Variants in EYS observed in about 807,000 individuals in gnomAD.
The protein encoded by EYS is protein eyes shut homolog.
EYS carries 250 observed loss-of-function variants against 282.1 expected under a neutral mutation model. The ratio of observed to expected loss-of-function variants is 0.89; its 90% CI spans 0.80 to 0.98. The LOEUF (loss-of-function observed/expected upper bound fraction) is 0.98, where lower values mean the gene tolerates loss of function less well. Among genes scored for constraint, EYS ranks in the 50% least tolerant of loss-of-function variants. The pLI is 0.00. For missense variants in EYS, 4,016 were observed against 3,709.0 expected (o/e 1.08, Z -2.15); for synonymous variants, 1,355 against 1,282.9 (o/e 1.06, Z -1.20).
At chr6:64,981,956 T>G (rs1158153214) in intron 14 of EYS, among the ~76,000 whole-genome samples, 1 of 151,346 alleles carries the variant, frequency 6.6e-6, no homozygotes, top group Non-Finnish European at 1.5e-5. Context: ...AGTACCTCAC[T>G]GTAGGAAGGG....
At chr6:65,515,074 G>A (rs747057430) in intron 2 of EYS, among the ~76,000 whole-genome samples, 15 of 152,028 alleles carry the variant, frequency 9.9e-5, no homozygotes, top group Non-Finnish European at 1.6e-4. Flanking sequence ...AATCTACAAC[G>A]AACTCAAACA....
At chr6:63,865,119 T>G (rs1313706023) in intron 35 of EYS, among the ~76,000 whole-genome samples, 1 of 152,176 alleles carries the variant, frequency 6.6e-6, no homozygotes, top group Non-Finnish European at 1.5e-5. Flanking sequence ...GTGCCAATCA[T>G]AGTGTATAGT....
intron 2 of EYS, among the ~76,000 whole-genome samples, chr6:65,605,415 G>A (rs1318214978): frequency 1.3e-5 from 2 of 151,844 alleles, no homozygotes; most frequent in Admixed American, 1.3e-4. Flanking sequence ...AGGTTTTTGA[G>A]TGTGAGGGTG....
chr6:63,823,579 C>A (rs1168339000), intron 36 of EYS, among the ~76,000 whole-genome samples: 1 of 152,044 alleles, frequency 6.6e-6, no homozygotes, highest in African/African-American at 2.4e-5. Flanking sequence ...ATGCCACATT[C>A]TCATTTCTAA....
intron 5 of EYS, among the ~76,000 whole-genome samples, chr6:65,411,408 A>G (rs1767006671): frequency 6.6e-6 from 1 of 152,132 alleles, no homozygotes; most frequent in Admixed American, 6.6e-5. Flanking sequence ...AGATTCATAG[A>G]AAATTACAAA....
intron 19 of EYS, among the ~76,000 whole-genome samples, chr6:64,880,946 T>C (rs1451321789): frequency 1.3e-5 from 2 of 151,352 alleles, no homozygotes; most frequent in Non-Finnish European, 3.0e-5. Context: ...GAATAAATTT[T>C]TTTTTTGATC....
At chr6:63,861,638 ACAT>A (rs1223234697) in intron 36 of EYS, among the ~76,000 whole-genome samples, 6 of 152,274 alleles carry the variant, frequency 3.9e-5, no homozygotes, top group African/African-American at 1.2e-4. Flanking sequence ...CCCTAGAATC[ACAT>A]GTTAAAACCT....
intron 2 of EYS, among the ~76,000 whole-genome samples, chr6:65,636,021 G>A (rs1288051355): frequency 6.6e-6 from 1 of 152,168 alleles, no homozygotes; most frequent in Non-Finnish European, 1.5e-5. Context: ...AGTGTGGCAG[G>A]CCTTGTGTCA....
At chr6:65,139,418 A>G (rs1457892612) in intron 12 of EYS, among the ~76,000 whole-genome samples, 3 of 152,082 alleles carry the variant, frequency 2.0e-5, no homozygotes. Flanking sequence ...AACAACAGAC[A>G]CCAGGAGCCT....
chr6:65,096,874 A>C (rs917932571), intron 12 of EYS, among the ~76,000 whole-genome samples: 1 of 151,094 alleles, frequency 6.6e-6, no homozygotes, highest in Non-Finnish European at 1.5e-5. Flanking sequence ...CTTCAGTGTA[A>C]GTTCTTGAAA....
chr6:65,394,844 A>G (rs759141173), intron 7 of EYS, among the ~76,000 whole-genome samples: 1 of 151,912 alleles, frequency 6.6e-6, no homozygotes. Context: ...TCACAGCCCA[A>G]TGTCTACATG....
chr6:63,812,619 G>A (rs989656888), intron 36 of EYS, among the ~76,000 whole-genome samples: 1 of 151,996 alleles, frequency 6.6e-6, no homozygotes, highest in Non-Finnish European at 1.5e-5. Context: ...TTATCAAATG[G>A]TTGAATACAT....
Position 64,590,431 on chromosome 6 carries a change from T to G in EYS, c.5436A>C (p.Val1812=), listed in dbSNP as rs1376017497. ...TAAAATATGGCCAATCTGGCCTAATTACAGACATGGAGGAAGACGTCTGTA... is the reference window on the plus strand; with the variant it reads ...TAAAATATGGCCAATCTGGCCTAATGACAGACATGGAGGAAGACGTCTGTA... ...LSIQTSSSMS[V]IRPDWPYFTD... Residue 1812 remains valine, a synonymous_variant, in exon 26 of 43, where the codon GTA becomes GTC. Transcript: ENST00000503581. 2.4e-5 allele frequency: 37 copies of G among 1,551,444 alleles called. No homozygotes were observed. The highest frequency in any genetic ancestry group is 3.2e-5 in the Non-Finnish European group (37 of 1,146,790).
intron 5 of EYS, among the ~76,000 whole-genome samples, chr6:65,455,820 A>G (rs1764584160): frequency 6.6e-6 from 1 of 152,116 alleles, no homozygotes; most frequent in Non-Finnish European, 1.5e-5. Flanking sequence ...TCTACCAAAA[A>G]TTTAAAGAAG....
chr6:65,606,405 C>T (rs1028754221), intron 2 of EYS, among the ~76,000 whole-genome samples: 3 of 151,662 alleles, frequency 2.0e-5, no homozygotes, highest in Admixed American at 6.6e-5. Flanking sequence ...AAATAAAATA[C>T]CATTTTCGTA....
chr6:64,169,417 CA>C (rs746029286), intron 31 of EYS, among the ~76,000 whole-genome samples: 46 of 128,218 alleles, frequency 3.6e-4, no homozygotes, highest in Non-Finnish European at 6.1e-4. Context: ...CATACTCAAA[CA>C]ATTTGAGGAG....
chr6:64,949,552 A>G (rs1187789482), intron 14 of EYS, among the ~76,000 whole-genome samples: 1 of 151,906 alleles, frequency 6.6e-6, no homozygotes, highest in Non-Finnish European at 1.5e-5. Context: ...CCATTTAATT[A>G]GGGCAGCCCA....
At chr6:64,328,083 C>A (rs1158111628) in intron 29 of EYS, among the ~76,000 whole-genome samples, 3 of 152,206 alleles carry the variant, frequency 2.0e-5, no homozygotes, top group African/African-American at 7.2e-5. Flanking sequence ...ATCAGCCCTT[C>A]TCTACTACTG....
chr6:63,735,672 TACA>T (rs529420001), intron 41 of EYS, among the ~76,000 whole-genome samples: 119 of 152,242 alleles, frequency 7.8e-4, no homozygotes, highest in African/African-American at 2.6e-3. Flanking sequence ...TCAACATTGA[TACA>T]ACACTACAAT....
Sources: gnomAD v4.1 joint callset for allele counts (sites outside exome capture counted in the v4.1 genomes callset) on GRCh38, gnomAD v4.1.1 for gene constraint, MANE v1.5 for transcripts, NCBI Gene and HGNC (gene_info 2026-07-23, HGNC 2026-07-21) for gene names.